The following MAGI2 variants were observed in gnomAD, a reference collection of about 807,000 sequenced individuals.
MAGI2 encodes membrane associated guanylate kinase, WW and PDZ domain containing 2.
In MAGI2, 35 loss-of-function variants were observed where a neutral mutation model predicts 133.3. The observed-to-expected ratio is 0.26, with a 90% CI of 0.20 to 0.35. The LOEUF is 0.35. Ranked by LOEUF, MAGI2 falls within the 10% of genes least tolerant of loss-of-function variation. The probability of loss-of-function intolerance (pLI) is 1.00; values close to 1 mark genes in which losing one functional copy is unlikely to be tolerated. For synonymous variants in MAGI2, 729 were observed against 710.6 expected, an observed-to-expected ratio of 1.03 and a Z score of -0.41; for missense variants, 1,636 against 1,863.4, an observed-to-expected ratio of 0.88 and a Z score of 2.25.
rs554836383 is a variant in MAGI2 at position 79,330,327 on chromosome 7, G to A, written c.301+122693C>T. ...TTCTGCCTTAGCCTCCCAAATAGCT[G>A]GGACTACAGGCACCTGCCACCACGC... is the stretch of plus-strand genomic sequence containing the variant. On this transcript the variant is annotated intron_variant, in intron 1 of 21. Transcript: ENST00000354212. Among the ~76,000 whole-genome samples the A allele has an allele frequency of 5.1e-3, 768 of 151,482 alleles. 7 individuals are homozygous for A. The highest frequency in any genetic ancestry group is 7.9e-3 in the Non-Finnish European group (535 of 67,922).
At chr7:79,160,304 A>G (rs1037305597) in intron 1 of MAGI2, among the ~76,000 whole-genome samples, 1 of 152,122 alleles carries the variant, frequency 6.6e-6, no homozygotes, top group African/African-American at 2.4e-5. Flanking sequence ...AATAAAGAAA[A>G]AATCATACAG....
intron 1 of MAGI2, among the ~76,000 whole-genome samples, chr7:79,143,262 G>A (rs1387690406): frequency 2.6e-5 from 4 of 152,078 alleles, no homozygotes; most frequent in Admixed American, 1.3e-4. Context: ...AACAGCAGAC[G>A]GATGTGGAAA....
chr7:78,162,030 G>A (rs912501823), intron 15 of MAGI2, among the ~76,000 whole-genome samples: 1 of 152,134 alleles, frequency 6.6e-6, no homozygotes, highest in Admixed American at 6.5e-5. Context: ...TCCTTTATCA[G>A]TCCTTGTACA....
intron 10 of MAGI2, among the ~76,000 whole-genome samples, chr7:78,249,016 C>G (rs1792095520): frequency 2.0e-5 from 3 of 151,698 alleles, no homozygotes; most frequent in Admixed American, 1.3e-4. Flanking sequence ...ACTCAAACAG[C>G]TTAACAGCTA....
At chr7:78,295,753 T>TATC (rs1197662327) in intron 9 of MAGI2, among the ~76,000 whole-genome samples, 4 of 152,124 alleles carry the variant, frequency 2.6e-5, no homozygotes, top group East Asian at 1.9e-4. Flanking sequence ...CCTAAATAAG[T>TATC]ATCTCCAGGC....
Position 78,668,798 on chromosome 7 carries a change from G to A in MAGI2, c.419-41559C>T, listed in dbSNP as rs1289193904. ...AAAACCGCTCAACTACATGGAAACT[G>A]AACAACCTGCTCCTGAATGACTACT... On this transcript the variant is annotated intron_variant, in intron 2 of 21. Transcript: ENST00000354212. 8.3e-3 allele frequency among the ~76,000 whole-genome samples: 1,236 copies of A among 149,652 alleles called. 22 individuals are homozygous for A. Among genetic ancestry groups the A allele is most frequent in the African/African-American group, 0.03 (1,177 of 39,558 alleles).
intron 1 of MAGI2, among the ~76,000 whole-genome samples, chr7:79,028,275 A>ATG (rs1343001457): frequency 3.5e-5 from 1 of 28,442 alleles, no homozygotes; most frequent in African/African-American, 1.0e-4. Context: ...ATATGTATGT[A>ATG]TGTATATATA....
intron 2 of MAGI2, among the ~76,000 whole-genome samples, chr7:78,992,636 C>A (rs189084466): frequency 1.6e-4 from 24 of 151,958 alleles, no homozygotes; most frequent in African/African-American, 5.5e-4. Context: ...TTTTTCCAAG[C>A]TAATGTTAGG....
chr7:79,272,998 A>T (rs1207699825), intron 1 of MAGI2, among the ~76,000 whole-genome samples: 1 of 152,026 alleles, frequency 6.6e-6, no homozygotes, highest in Non-Finnish European at 1.5e-5. Context: ...CTCTCTATTA[A>T]AGTTCTTTTT....
chr7:78,311,021 G>A (rs1331812261), intron 9 of MAGI2, among the ~76,000 whole-genome samples: 1 of 152,190 alleles, frequency 6.6e-6, no homozygotes, highest in East Asian at 1.9e-4. Context: ...CCATGTGACA[G>A]GGATTGTTCT....
intron 6 of MAGI2, among the ~76,000 whole-genome samples, chr7:78,379,903 A>G (rs879470076): frequency 3.7e-4 from 57 of 152,178 alleles, no homozygotes; most frequent in Non-Finnish European, 2.6e-4. Flanking sequence ...ATCAAAGAAA[A>G]TTTCATCTAG....
chr7:79,343,548 T>TA lies in MAGI2; in HGVS notation c.301+109471dup, dbSNP rs10574791. On this transcript the variant is annotated intron_variant, in intron 1 of 21. Transcript: ENST00000354212. The stretch of plus-strand genomic sequence containing the variant: ...TTTCACCAGCCTGATGTATTTTCTT[T>TA]AAAAAAAAAAAAGGCATTGGCCCCA... 3.6e-3 allele frequency among the ~76,000 whole-genome samples: 535 copies of TA among 149,810 alleles called. 3 individuals are homozygous for TA. Among genetic ancestry groups the TA allele is most frequent in the African/African-American group, 0.011 (442 of 40,970 alleles).
chr7:79,323,469 G>A (rs1326106653), intron 1 of MAGI2, among the ~76,000 whole-genome samples: 2 of 152,122 alleles, frequency 1.3e-5, no homozygotes, highest in South Asian at 4.1e-4. Flanking sequence ...AGTTAGGGCC[G>A]GCAGTGGGTG....
chr7:79,329,803 T>A (rs1839936411), intron 1 of MAGI2, among the ~76,000 whole-genome samples: 1 of 152,194 alleles, frequency 6.6e-6, no homozygotes, highest in South Asian at 2.1e-4. Flanking sequence ...TATTAATAGT[T>A]TTTAAGCATT....
At chr7:78,693,752 A>T (rs1263940275) in intron 2 of MAGI2, among the ~76,000 whole-genome samples, 2 of 152,118 alleles carry the variant, frequency 1.3e-5, no homozygotes, top group Admixed American at 6.5e-5. Context: ...CCTTAAGGTG[A>T]TTCTTTTTTC....
At chr7:78,458,686 G>A (rs1381758645) in intron 6 of MAGI2, among the ~76,000 whole-genome samples, 1 of 151,284 alleles carries the variant, frequency 6.6e-6, no homozygotes, top group Non-Finnish European at 1.5e-5. Context: ...CCAGGCTGGA[G>A]TGCAGTGGCA....
At chr7:78,122,453 T>C (rs898097924) in intron 20 of MAGI2, among the ~76,000 whole-genome samples, 4 of 152,238 alleles carry the variant, frequency 2.6e-5, no homozygotes. Flanking sequence ...GAACAAAATG[T>C]TTTAGTCATT....
chr7:78,087,005 A>G (rs945258602), intron 20 of MAGI2, among the ~76,000 whole-genome samples: 1 of 152,120 alleles, frequency 6.6e-6, no homozygotes, highest in Non-Finnish European at 1.5e-5. Flanking sequence ...TCTTTTTGCT[A>G]GAATCTGAGT....
chr7:78,055,807 CAG>C (rs1158460635), intron 21 of MAGI2, among the ~76,000 whole-genome samples: 4 of 152,154 alleles, frequency 2.6e-5, no homozygotes, highest in Non-Finnish European at 2.9e-5. Context: ...TTAAGAAACT[CAG>C]CACCTCTTAT....
Sources: allele counts gnomAD v4.1 joint callset (sites outside exome capture counted in the v4.1 genomes callset), GRCh38; gene constraint gnomAD v4.1.1; transcripts MANE v1.5; gene names NCBI Gene and HGNC (gene_info 2026-07-23, HGNC 2026-07-21).